The following ERI1 variants were observed in gnomAD, a reference collection of about 807,000 sequenced individuals.
ERI1 encodes the protein exoribonuclease 1.
Under a neutral mutation model 39.7 loss-of-function variants are expected in ERI1, and 39 were observed. That is an observed-to-expected ratio of 0.98 (90% CI 0.76 to 1.28). The LOEUF is 1.28. Ranked by LOEUF, ERI1 falls within the 50% of genes most tolerant of loss-of-function variation. ERI1 has a pLI of 0.00. For missense variants in ERI1, 581 were observed against 416.9 expected (o/e 1.39, Z -3.43); for synonymous variants, 204 against 149.6 (o/e 1.36, Z -2.65).
At chr8:9,093,346 A>G (rs1006610150) in intron 3 of ERI1, among the ~76,000 whole-genome samples, 2 of 152,308 alleles carry the variant, frequency 1.3e-5, no homozygotes, top group South Asian at 4.1e-4. Flanking sequence ...CAAGGGCTGC[A>G]GGTTGGACAA....
chr8:9,054,653 C>T (rs749169307), intron 3 of ERI1, among the ~76,000 whole-genome samples: 12 of 152,232 alleles, frequency 7.9e-5, no homozygotes, highest in Non-Finnish European at 1.5e-4. Context: ...GGCCAGGCAC[C>T]ATGGCCCACG....
chr8:9,029,050 G>A (rs4841085), intron 6 of ERI1, among the ~76,000 whole-genome samples: 129,823 of 148,416 alleles, frequency 0.87, 56,909 homozygotes, highest in Non-Finnish European at 0.91. Context: ...ACACCACATC[G>A]TCTTTCATTC....
At chr8:9,088,206 T>C (rs1226952564) in intron 3 of ERI1, among the ~76,000 whole-genome samples, 2 of 152,046 alleles carry the variant, frequency 1.3e-5, no homozygotes, top group Admixed American at 1.3e-4. Context: ...AGATAACACC[T>C]TCTCTTCTCT....
intron 6 of ERI1, among the ~76,000 whole-genome samples, chr8:9,022,441 C>T (rs1168622037): frequency 1.1e-4 from 17 of 152,096 alleles, no homozygotes; most frequent in Admixed American, 1.0e-3. Flanking sequence ...CATTCTGTTG[C>T]CCAGGTTGGA....
chr8:9,045,583 G>A (rs1183391015), intron 3 of ERI1, among the ~76,000 whole-genome samples: 1 of 151,930 alleles, frequency 6.6e-6, no homozygotes, highest in Non-Finnish European at 1.5e-5. Flanking sequence ...GATCACTTGA[G>A]CCCAGGAATT....
chr8:9,003,110 T>C lies in ERI1; in HGVS notation c.47T>C (p.Leu16Pro), dbSNP rs2288672. Residue 16 changes from leucine to proline, a missense_variant, in exon 1 of 7, where the codon CTC becomes CCC. Leu to Pro is a moderately conservative substitution (Grantham distance 98). Transcript: ENST00000250263. Reference sequence around the variant, plus strand: ...GAGCCTGCCGGCGAGGCCGTGGCTCTCGCGCTGCTGGAGTCGCCGCGGCCG... The same window carrying C: ...GAGCCTGCCGGCGAGGCCGTGGCTCCCGCGCTGCTGGAGTCGCCGCGGCCG... ...SKEPAGEAVA[L>P]ALLESPRPEG... The C allele has an allele frequency of 0.9, 1,116,946 of 1,246,258 alleles. 501,155 individuals carry two copies. Among genetic ancestry groups the C allele is most frequent in the Non-Finnish European group, 0.91 (897,630 of 989,524 alleles). The allele number at this position is 1,246,258 out of a possible 1,614,324, so 77.2% of individuals were successfully genotyped here. A position where few individuals can be genotyped will look rare whatever the true frequency, so the allele number is the denominator to read the frequency against.
At chr8:9,004,892 T>C (rs1181053375) in intron 1 of ERI1, among the ~76,000 whole-genome samples, 1 of 152,080 alleles carries the variant, frequency 6.6e-6, no homozygotes, top group East Asian at 1.9e-4. Flanking sequence ...TTCACCATGT[T>C]GGCCATGCTG....
At chr8:9,047,579 G>A (rs1280927781) in intron 3 of ERI1, among the ~76,000 whole-genome samples, 1 of 152,034 alleles carries the variant, frequency 6.6e-6, no homozygotes, top group African/African-American at 2.4e-5. Flanking sequence ...CATATCTGCA[G>A]TCCCAGCTAC....
At chr8:9,009,102 C>G (rs1242699309) in intron 2 of ERI1, 2 of 456,190 alleles carry the variant, frequency 4.4e-6, no homozygotes, top group Non-Finnish European at 8.8e-6. Flanking sequence ...AGATCAGTTG[C>G]TTACTCCTGG....
intron 3 of ERI1, among the ~76,000 whole-genome samples, chr8:9,094,321 T>C (rs1799804503): frequency 6.6e-6 from 1 of 152,194 alleles, no homozygotes; most frequent in South Asian, 2.1e-4. Flanking sequence ...CATGCCCTCA[T>C]TCTCAGTGCA....
At chr8:9,024,657 C>T (rs1818282750) in intron 6 of ERI1, among the ~76,000 whole-genome samples, 1 of 152,100 alleles carries the variant, frequency 6.6e-6, no homozygotes, top group African/African-American at 2.4e-5. Flanking sequence ...CTCCTGACCT[C>T]AAATGATCTG....
intron 2 of ERI1, chr8:9,008,970 C>G: frequency 2.2e-6 from 1 of 456,130 alleles, no homozygotes; most frequent in South Asian, 1.5e-5. Flanking sequence ...TCTAGATTGT[C>G]TACATCATAA....
chr8:9,009,287 A>G lies in ERI1; in HGVS notation c.287+1139A>G. 2 of 327,758 alleles carry G rather than the reference A, an allele frequency of 6.1e-6. 1 individual carries two copies. The highest frequency in any genetic ancestry group is 4.9e-5 in the South Asian group (2 of 41,004). The allele number at this position is 327,758 out of a possible 1,614,324, so 20.3% of individuals were successfully genotyped here. A position where few individuals can be genotyped will look rare whatever the true frequency, so the allele number is the denominator to read the frequency against. On this transcript the variant is annotated intron_variant, in intron 2 of 6. Transcript: ENST00000250263. The stretch of plus-strand genomic sequence containing the variant: ...ATACAAAGAAATCATCACAATACAG[A>G]GTGGCCAATGCTATATTGGAGGTCT...
chr8:9,069,143 A>G (rs1258896418), intron 3 of ERI1, among the ~76,000 whole-genome samples: 4 of 152,214 alleles, frequency 2.6e-5, no homozygotes, highest in Non-Finnish European at 5.9e-5. Context: ...TAAAAGGACA[A>G]AAGGGTTGTG....
rs1163840954 is a variant in ERI1 at position 9,016,349 on chromosome 8, C to A, written c.526C>A (p.Pro176Thr). Residue 176 changes from proline (P) to threonine (T), a missense_variant, in exon 4 of 7, where the codon CCA (proline) becomes ACA (threonine). Physicochemically the swap from Pro to Thr is conservative, Grantham distance 38 (BLOSUM62 -1). Coordinates refer to ENST00000250263, the MANE Select transcript of ERI1 (RefSeq NM_153332.4). ...AGACACGTTTCAGCAGTATGTAAGACCAGAGATTAACACACAGCTGTCTGA... is the reference window on the plus strand; with the variant it reads ...AGACACGTTTCAGCAGTATGTAAGAACAGAGATTAACACACAGCTGTCTGA... ...IEDTFQQYVR[P>T]EINTQLSDFC... 1 of 1,606,526 alleles carries A rather than the reference C, an allele frequency of 6.2e-7. No individual in the cohort carries two copies. Among genetic ancestry groups the A allele is most frequent in the African/African-American group, 1.3e-5 (1 of 74,626 alleles).
At chr8:9,089,938 G>A (rs758455509) in intron 3 of ERI1, among the ~76,000 whole-genome samples, 2 of 152,060 alleles carry the variant, frequency 1.3e-5, no homozygotes, top group Non-Finnish European at 2.9e-5. Flanking sequence ...AATTATCCAA[G>A]AGAACGGCTC....
At chr8:9,069,162 G>A (rs1354975771) in intron 3 of ERI1, among the ~76,000 whole-genome samples, 2 of 152,106 alleles carry the variant, frequency 1.3e-5, no homozygotes, top group Non-Finnish European at 2.9e-5. Context: ...TGGGGTTAAC[G>A]GTTTGAACAT....
chr8:9,035,091 G>A (rs971000804), downstream of ERI1, among the ~76,000 whole-genome samples: 1 of 152,166 alleles, frequency 6.6e-6, no homozygotes, highest in Non-Finnish European at 1.5e-5. Context: ...AGCAGAGATT[G>A]GTCCATGAAA....
chr8:9,020,100 G>T (rs1817722705), intron 5 of ERI1, among the ~76,000 whole-genome samples: 1 of 152,134 alleles, frequency 6.6e-6, no homozygotes, highest in South Asian at 2.1e-4. Context: ...CCAGAACCAT[G>T]AAAACAATCA....
Sources: gnomAD v4.1 joint callset for allele counts (sites outside exome capture counted in the v4.1 genomes callset) on GRCh38, gnomAD v4.1.1 for gene constraint, MANE v1.5 for transcripts, NCBI Gene and HGNC (gene_info 2026-07-23, HGNC 2026-07-21) for gene names.